TNS1: variants seen among roughly 807,000 people sequenced by gnomAD.
TNS1 encodes tensin-1.
In TNS1, 62 loss-of-function variants were observed where a neutral mutation model predicts 168.6. The observed-to-expected ratio is 0.37, with a 90% confidence interval of 0.30 to 0.45. The LOEUF (loss-of-function observed/expected upper bound fraction) is 0.45, where lower values mean the gene tolerates loss of function less well. Among genes scored for constraint, TNS1 ranks in the 20% least tolerant of loss-of-function variants. The pLI is 1.00. For missense variants in TNS1, 2,240 were observed against 2,339.4 expected (o/e 0.96, Z 0.88); for synonymous variants, 934 against 933.2 (o/e 1.00, Z -0.02).
intron 19 of TNS1, among the ~76,000 whole-genome samples, chr2:217,842,411 T>C (rs563005925): frequency 2.0e-5 from 3 of 152,336 alleles, no homozygotes; most frequent in South Asian, 2.1e-4. Context: ...CTCCATTCTT[T>C]AGTTGCTCAG....
At chr2:218,025,099 C>T (rs1404288215) in intron 1 of TNS1, among the ~76,000 whole-genome samples, 1 of 152,136 alleles carries the variant, frequency 6.6e-6, no homozygotes, top group Non-Finnish European at 1.5e-5. Flanking sequence ...TCACCCCTAC[C>T]CACCCCTCCC....
chr2:217,803,831 G>C lies in TNS1; in HGVS notation c.*628C>G, dbSNP rs1937882439. 6.5e-6 allele frequency: 1 copy of C among 153,030 alleles called. No homozygotes were observed. The highest frequency in any genetic ancestry group is 2.1e-4 in the South Asian group (1 of 4,840). 9.5% of individuals were successfully genotyped at this position (153,030 alleles called of 1,614,324 possible). A position where few individuals can be genotyped will look rare whatever the true frequency, so the allele number is the denominator to read the frequency against. On this transcript the variant is annotated 3_prime_UTR_variant, in exon 33 of 33. Coordinates refer to ENST00000682258, the MANE Select transcript of TNS1 (RefSeq NM_001387777.1). The stretch of plus-strand genomic sequence containing the variant: ...AGCCGAGCTGTTTATAATTCGAGTG[G>C]ATAAAGGCAGATCTAGATCAATGTG...
At chr2:217,887,476 T>C (rs1951321501) in intron 12 of TNS1, among the ~76,000 whole-genome samples, 1 of 152,044 alleles carries the variant, frequency 6.6e-6, no homozygotes. Context: ...GCCCGGCTAA[T>C]TTTGTATTTT....
chr2:217,886,549 A>T lies in TNS1; in HGVS notation c.964T>A (p.Phe322Ile), dbSNP rs753292394. 36 of 1,601,088 alleles carry T rather than the reference A, an allele frequency of 2.2e-5. No individual in the cohort carries two copies. Among genetic ancestry groups the T allele is most frequent in the Non-Finnish European group, 3.1e-5 (36 of 1,174,054 alleles). Residue 322 changes from phenylalanine to isoleucine, a missense_variant, in exon 13 of 33, where the codon TTT becomes ATT. Around this residue, in one of 2 missense-constraint regions of TNS1, gnomAD observed 2,131 missense variants for 2,171.2 expected, o/e 0.98. Coordinates refer to ENST00000682258, the MANE Select transcript of TNS1 (RefSeq NM_001387777.1). Reference protein sequence around the residue: ...HHVIMHGIPNFESKGGCRPFL... With the variant: ...HHVIMHGIPNIESKGGCRPFL... ...AGGCAGGTACCTCCTTTAGACTCAA[A>T]GTTGGGGATGCCGTGCATGATCACG...
chr2:217,893,331 T>C (rs1951924385), intron 10 of TNS1, 108 bp downstream of exon 10: 12 of 1,451,480 alleles, frequency 8.3e-6, no homozygotes, highest in South Asian at 4.3e-5. Flanking sequence ...AATCCAAAGA[T>C]ATAGGCAGGT....
chr2:217,935,061 C>T (rs1316964918), intron 3 of TNS1, among the ~76,000 whole-genome samples: 2 of 152,362 alleles, frequency 1.3e-5, no homozygotes, highest in East Asian at 1.9e-4. Context: ...CAGGTCCTTC[C>T]GCGGCACTAC....
chr2:217,973,089 C>T (rs929464483), intron 3 of TNS1, among the ~76,000 whole-genome samples: 7 of 152,286 alleles, frequency 4.6e-5, no homozygotes, highest in African/African-American at 1.7e-4. Context: ...TGTGGTGGCT[C>T]ATGCCTGTAA....
At chr2:217,831,091 ATGTG>A (rs1468976302) in intron 22 of TNS1, among the ~76,000 whole-genome samples, 1 of 151,888 alleles carries the variant, frequency 6.6e-6, no homozygotes, top group African/African-American at 2.4e-5. Context: ...GTGTGTGTAC[ATGTG>A]TGTGTACCCA....
chr2:217,839,438 C>G (rs188648789), intron 19 of TNS1, among the ~76,000 whole-genome samples: 13 of 152,212 alleles, frequency 8.5e-5, no homozygotes, highest in Middle Eastern at 3.4e-3. Flanking sequence ...CAGAGCAGCC[C>G]CCTTCCCAGG....
intron 22 of TNS1, among the ~76,000 whole-genome samples, chr2:217,825,344 C>A (rs1053340883): frequency 1.3e-5 from 2 of 152,100 alleles, no homozygotes; most frequent in Admixed American, 1.3e-4. Flanking sequence ...CTCCAGTCAG[C>A]AGCCCTGCCC....
intron 18 of TNS1, among the ~76,000 whole-genome samples, chr2:217,860,719 T>C (rs1430347110): frequency 1.3e-5 from 2 of 152,248 alleles, no homozygotes; most frequent in Non-Finnish European, 2.9e-5. Context: ...CTAAGCACAA[T>C]ATCCATGATG....
intron 12 of TNS1, among the ~76,000 whole-genome samples, chr2:217,889,126 C>T (rs1380812570): frequency 6.6e-6 from 1 of 152,238 alleles, no homozygotes; most frequent in Non-Finnish European, 1.5e-5. Context: ...TGAGAAGACT[C>T]TCGTTGATCC....
rs1957171997 is a variant in TNS1 at position 217,948,644 on chromosome 2, G to A, written c.187-28408C>T. Among the ~76,000 whole-genome samples, 1 of 152,154 alleles carries A rather than the reference G, an allele frequency of 6.6e-6. No individual in the cohort carries two copies. Among genetic ancestry groups the A allele is most frequent in the Admixed American group, 6.5e-5 (1 of 15,280 alleles). The stretch of plus-strand genomic sequence containing the variant: ...GGCCTCCTCACTAGGGCTCACTCCA[G>A]AGATGACCCCAGAAGCCACATTCAC... On this transcript the variant is annotated intron_variant, in intron 3 of 32. Transcript: ENST00000682258. This position sits in a 1 kb window ranked among gnomAD's most constrained non-coding sequence, Gnocchi z 4.1.
chr2:217,880,799 G>A lies in TNS1; in HGVS notation c.1429+99C>T, dbSNP rs1385887003. ...TCACACTTCCCCTCTGCCTCCTCTC[G>A]AACCCAGATCTCTTGAAAGCAGGCC... On this transcript the variant is annotated intron_variant, in intron 18 of 32. Coordinates refer to ENST00000682258, the MANE Select transcript of TNS1 (RefSeq NM_001387777.1). This position sits in a 1 kb window ranked among gnomAD's most constrained non-coding sequence, Gnocchi z 4.2. 5.6e-5 allele frequency: 51 copies of A among 917,932 alleles called. No individual in the cohort carries two copies. The highest frequency in any genetic ancestry group is 8.8e-5 in the South Asian group (6 of 68,444). The allele number at this position is 917,932 out of a possible 1,614,324, so 56.9% of individuals were successfully genotyped here. A position where few individuals can be genotyped will look rare whatever the true frequency, so the allele number is the denominator to read the frequency against.
At chr2:218,000,263 T>C (rs1235967653) in intron 1 of TNS1, among the ~76,000 whole-genome samples, 1 of 152,208 alleles carries the variant, frequency 6.6e-6, no homozygotes, top group Non-Finnish European at 1.5e-5. Flanking sequence ...ATTGCAGCTT[T>C]CCCCATACAG....
At chr2:218,002,566 A>G (rs1958584948) in intron 1 of TNS1, among the ~76,000 whole-genome samples, 1 of 123,402 alleles carries the variant, frequency 8.1e-6, no homozygotes, top group African/African-American at 3.1e-5. Context: ...CCTTCCACTT[A>G]CAGCTCTGGG....
At chr2:217,973,467 A>G (rs893605975) in intron 3 of TNS1, among the ~76,000 whole-genome samples, 4 of 152,120 alleles carry the variant, frequency 2.6e-5, no homozygotes, top group African/African-American at 2.4e-5. Context: ...AAGGACCCCA[A>G]TGAGGGGTAA....
At chr2:217,879,797 G>C (rs1950523938) in intron 18 of TNS1, among the ~76,000 whole-genome samples, 1 of 152,104 alleles carries the variant, frequency 6.6e-6, no homozygotes, top group South Asian at 2.1e-4. Flanking sequence ...AGGAAAGAGG[G>C]CACAGGGAGG....
chr2:217,911,380 G>A (rs1435896552), intron 4 of TNS1, among the ~76,000 whole-genome samples: 1 of 152,154 alleles, frequency 6.6e-6, no homozygotes, highest in Non-Finnish European at 1.5e-5. Flanking sequence ...CGAATGTTGG[G>A]GCACAACATT....
Sources: gnomAD v4.1 joint callset for allele counts (sites outside exome capture counted in the v4.1 genomes callset) on GRCh38, gnomAD v4.1.1 for gene constraint, gnomAD v4.1.1 regional missense constraint, Gnocchi (gnomAD v3.1) non-coding constraint, MANE v1.5 for transcripts, NCBI Gene and HGNC (gene_info 2026-07-23, HGNC 2026-07-21) for gene names.